Variants in TMEM178B observed in about 807,000 individuals in gnomAD.
TMEM178B encodes the protein transmembrane protein 178B.
A neutral mutation model predicts 31.0 loss-of-function variants in TMEM178B; 5 were observed. That is an observed-to-expected ratio of 0.16 (90% confidence interval 0.08 to 0.34). The LOEUF (loss-of-function observed/expected upper bound fraction) is 0.34. Ranked by LOEUF, TMEM178B falls within the 10% of genes least tolerant of loss-of-function variation. The pLI is 1.00. For missense variants in TMEM178B, 275 were observed against 400.3 expected (o/e 0.69, Z 2.67); for synonymous variants, 164 against 164.0 (o/e 1.00, Z 0.00).
chr7:141,430,911 G>T (rs1378296695), intron 2 of TMEM178B, among the ~76,000 whole-genome samples: 1 of 152,038 alleles, frequency 6.6e-6, no homozygotes, highest in African/African-American at 2.4e-5. Flanking sequence ...CGGCTCTCAG[G>T]GCAGCTAACA....
intron 1 of TMEM178B, among the ~76,000 whole-genome samples, chr7:141,146,638 T>C (rs1202156061): frequency 6.6e-6 from 1 of 152,220 alleles, no homozygotes; most frequent in African/African-American, 2.4e-5. Flanking sequence ...CTGCTATTAC[T>C]ATTATTATCA....
intron 1 of TMEM178B, among the ~76,000 whole-genome samples, chr7:141,109,733 G>A (rs1795204672): frequency 6.6e-6 from 1 of 152,150 alleles, no homozygotes; most frequent in South Asian, 2.1e-4. Flanking sequence ...GAAGCCTGTG[G>A]CAGGAGATGG....
chr7:141,096,939 A>T (rs1399034664), intron 1 of TMEM178B, among the ~76,000 whole-genome samples: 5 of 152,084 alleles, frequency 3.3e-5, no homozygotes, highest in Non-Finnish European at 7.4e-5. Flanking sequence ...AATTTTAAAA[A>T]GTTAACTGGG....
intron 2 of TMEM178B, among the ~76,000 whole-genome samples, chr7:141,291,651 A>C (rs1329396778): frequency 6.6e-6 from 1 of 152,140 alleles, no homozygotes; most frequent in Non-Finnish European, 1.5e-5. Flanking sequence ...CCACCAAGAC[A>C]GTAGCAAGAA....
chr7:141,469,099 A>G (rs1802195077), intron 3 of TMEM178B, among the ~76,000 whole-genome samples: 1 of 152,216 alleles, frequency 6.6e-6, no homozygotes, highest in African/African-American at 2.4e-5. Flanking sequence ...TCCTATTGGC[A>G]CAGCTGCCAG....
At chr7:141,146,654 A>G (rs1037225971) in intron 1 of TMEM178B, among the ~76,000 whole-genome samples, 3 of 152,210 alleles carry the variant, frequency 2.0e-5, no homozygotes, top group African/African-American at 7.2e-5. Flanking sequence ...TATCAGTACT[A>G]CTAAGGATCT....
At chr7:141,510,452 G>A in the TMEM178B span, among the ~76,000 whole-genome samples, 3 of 151,954 alleles carry the variant, frequency 2.0e-5, no homozygotes, top group Non-Finnish European at 4.4e-5. Context: ...TTGGGAGGGC[G>A]AGGCAGGCGG....
intron 2 of TMEM178B, among the ~76,000 whole-genome samples, chr7:141,297,792 T>C (rs1365938543): frequency 6.6e-6 from 1 of 152,192 alleles, no homozygotes; most frequent in East Asian, 1.9e-4. Flanking sequence ...GTCTTTGCTA[T>C]TGTGAATAGT....
At chr7:141,117,026 T>C (rs192830585) in intron 1 of TMEM178B, among the ~76,000 whole-genome samples, 1 of 152,350 alleles carries the variant, frequency 6.6e-6, no homozygotes, top group Admixed American at 6.5e-5. Context: ...TTTGGGTATA[T>C]ACCCAGTAAT....
chr7:141,145,775 G>C (rs1015981010), intron 1 of TMEM178B, among the ~76,000 whole-genome samples: 3 of 152,186 alleles, frequency 2.0e-5, no homozygotes, highest in African/African-American at 7.2e-5. Context: ...TCAGGGGCTG[G>C]GGGTGGCCAT....
intron 2 of TMEM178B, among the ~76,000 whole-genome samples, chr7:141,384,964 C>T (rs1308821862): frequency 3.3e-5 from 5 of 152,062 alleles, no homozygotes; most frequent in East Asian, 1.9e-4. Flanking sequence ...TCTTATGGAG[C>T]GTGCTAGTAC....
At chr7:141,495,965 T>TA in the TMEM178B span, among the ~76,000 whole-genome samples, 4 of 152,236 alleles carry the variant, frequency 2.6e-5, no homozygotes, top group African/African-American at 9.6e-5. Flanking sequence ...ACTGTGTTCC[T>TA]AACCATTCAC....
chr7:141,322,424 A>G (rs1337895426), intron 2 of TMEM178B, among the ~76,000 whole-genome samples: 2 of 151,776 alleles, frequency 1.3e-5, no homozygotes, highest in African/African-American at 2.4e-5. Context: ...AGTCCCAGCT[A>G]CTTGGGAGGC....
chr7:141,321,731 T>C (rs1799101893), intron 2 of TMEM178B, among the ~76,000 whole-genome samples: 1 of 152,066 alleles, frequency 6.6e-6, no homozygotes, highest in Admixed American at 6.6e-5. Context: ...TTCTCAATCT[T>C]GGCAGCCCAT....
chr7:141,356,619 A>G (rs1186807224), intron 2 of TMEM178B, among the ~76,000 whole-genome samples: 5 of 139,410 alleles, frequency 3.6e-5, no homozygotes, highest in Non-Finnish European at 7.7e-5. Flanking sequence ...TGTGGATATT[A>G]GACCTTGTCA....
downstream of TMEM178B, among the ~76,000 whole-genome samples, chr7:141,483,236 T>TCTA (rs1326540777): frequency 6.6e-6 from 1 of 152,186 alleles, no homozygotes; most frequent in Non-Finnish European, 1.5e-5. Context: ...GAGTCAACCC[T>TCTA]CTACTACACA....
intron 2 of TMEM178B, among the ~76,000 whole-genome samples, chr7:141,217,011 T>C (rs973304053): frequency 6.6e-6 from 1 of 152,166 alleles, no homozygotes. Flanking sequence ...TGAGCTGGGC[T>C]GGTGCTGCTC....
intron 2 of TMEM178B, among the ~76,000 whole-genome samples, chr7:141,215,334 A>ATTG: frequency 1.7e-5 from 1 of 59,138 alleles, no homozygotes; most frequent in African/African-American, 4.1e-5. Context: ...TATTATTATT[A>ATTG]TTATTTTTTG....
intron 1 of TMEM178B, among the ~76,000 whole-genome samples, chr7:141,144,359 G>C (rs988680561): frequency 6.6e-6 from 1 of 151,780 alleles, no homozygotes. Context: ...TTTGCTGTTA[G>C]GTATAATAAA....
Sources: gnomAD v4.1 joint callset for allele counts (sites outside exome capture counted in the v4.1 genomes callset) on GRCh38, gnomAD v4.1.1 for gene constraint, MANE v1.5 for transcripts, NCBI Gene and HGNC (gene_info 2026-07-23, HGNC 2026-07-21) for gene names.